APBA1: variants seen among roughly 807,000 people sequenced by gnomAD.
APBA1 encodes the protein amyloid-beta A4 precursor protein-binding family A member 1.
Under a neutral mutation model 86.6 loss-of-function variants are expected in APBA1, and 55 were observed. That is an observed-to-expected ratio of 0.64 (90% CI 0.51 to 0.80). The LOEUF (loss-of-function observed/expected upper bound fraction) is 0.80, where lower values mean the gene tolerates loss of function less well. Ranked by LOEUF, APBA1 falls within the 30% of genes least tolerant of loss-of-function variation. The pLI, the probability that APBA1 is intolerant of heterozygous loss-of-function variation, is 0.00. For synonymous variants in APBA1, 511 were observed against 493.9 expected (o/e 1.03, Z -0.46); for missense variants, 1,090 against 1,183.0 (o/e 0.92, Z 1.15).
chr9:69,483,278 G>C (rs567512819), intron 2 of APBA1, among the ~76,000 whole-genome samples: 1 of 152,114 alleles, frequency 6.6e-6, no homozygotes, highest in East Asian at 1.9e-4. Context: ...AAACAGAGAT[G>C]TATTCTCTCA....
At chr9:69,601,948 T>G (rs942235907) in intron 1 of APBA1, among the ~76,000 whole-genome samples, 1 of 152,142 alleles carries the variant, frequency 6.6e-6, no homozygotes, top group Non-Finnish European at 1.5e-5. Context: ...TTTAACCAGA[T>G]AACTACCAAG....
chr9:69,481,363 A>G (rs561718106), intron 2 of APBA1, among the ~76,000 whole-genome samples: 1 of 152,226 alleles, frequency 6.6e-6, no homozygotes, highest in Admixed American at 6.5e-5. Flanking sequence ...GCGAACTCCC[A>G]TTCACAATTG....
At chr9:69,636,662 C>T (rs1823165129) in intron 1 of APBA1, among the ~76,000 whole-genome samples, 1 of 151,404 alleles carries the variant, frequency 6.6e-6, no homozygotes, top group Admixed American at 6.6e-5. Context: ...GACATGGTGG[C>T]ATGTGTCTGT....
At chr9:69,431,977 GATAA>G (rs576308815) in intron 12 of APBA1, among the ~76,000 whole-genome samples, 9 of 138,450 alleles carry the variant, frequency 6.5e-5, no homozygotes, top group East Asian at 3.9e-4. Context: ...TGACAGCAGT[GATAA>G]ATGAATGACA....
rs1323702390 is a variant in APBA1, at chr9:69,544,898, C to T, written c.-69-27619G>A. On this transcript the variant is annotated intron_variant, in intron 1 of 12. Coordinates refer to ENST00000265381, the MANE Select transcript of APBA1 (RefSeq NM_001163.4). ...CTACCCAGGGAGGGCCTTGGCCCAC[C>T]GGTTAAAATCCAATGTATGGTTCTT... Among the ~76,000 whole-genome samples the T allele has an allele frequency of 3.9e-5, 6 of 152,162 alleles. No individual in the cohort carries two copies. In the East Asian group the frequency reaches 5.8e-4, roughly 15 times the overall value.
intron 1 of APBA1, among the ~76,000 whole-genome samples, chr9:69,662,089 A>C (rs1256552582): frequency 2.0e-5 from 3 of 151,570 alleles, no homozygotes; most frequent in Non-Finnish European, 2.9e-5. Flanking sequence ...CATCATAAAC[A>C]AGAGAGTCAA....
chr9:69,648,031 C>T (rs1301500047), intron 1 of APBA1, among the ~76,000 whole-genome samples: 1 of 152,226 alleles, frequency 6.6e-6, no homozygotes, highest in Non-Finnish European at 1.5e-5. Context: ...CCCACCACTG[C>T]ACTCTCTGGA....
intron 2 of APBA1, among the ~76,000 whole-genome samples, chr9:69,490,914 C>G (rs1288894501): frequency 1.3e-5 from 2 of 151,858 alleles, no homozygotes; most frequent in East Asian, 1.9e-4. Context: ...GCTACCATCT[C>G]ACACCAGTTA....
At chr9:69,620,498 T>C (rs2133989300) in intron 1 of APBA1, among the ~76,000 whole-genome samples, 1 of 152,156 alleles carries the variant, frequency 6.6e-6, no homozygotes, top group Middle Eastern at 3.4e-3. Context: ...GCCAGCATGG[T>C]GAAACCCTGT....
intron 1 of APBA1, among the ~76,000 whole-genome samples, chr9:69,558,559 CACATATAT>C (rs200374175): frequency 0.03 from 4,084 of 137,506 alleles, 177 homozygotes; most frequent in African/African-American, 0.11. Context: ...CACACACACA[CACATATAT>C]ATATATATAT....
chr9:69,522,068 T>TACACACACAC (rs9314700), intron 1 of APBA1, among the ~76,000 whole-genome samples: 21 of 149,548 alleles, frequency 1.4e-4, no homozygotes, highest in South Asian at 8.6e-4. Flanking sequence ...CACCATTTTA[T>TACACACACAC]ACACACACAC....
At chr9:69,457,221 A>G in intron 6 of APBA1, 82 bp from the exon 7 acceptor site, 1 of 1,041,012 alleles carries the variant, frequency 9.6e-7, no homozygotes, top group South Asian at 1.3e-5. Context: ...TAGCTCACAC[A>G]GAGGCACCAC....
chr9:69,655,542 C>T (rs1374376317), intron 1 of APBA1, among the ~76,000 whole-genome samples: 1 of 151,958 alleles, frequency 6.6e-6, no homozygotes, highest in Non-Finnish European at 1.5e-5. Flanking sequence ...TGTAAAAGAT[C>T]TCTACAATGA....
chr9:69,516,697 GC>G lies in APBA1; in HGVS notation c.513del (p.His172ThrfsTer30). 1 of 1,610,874 alleles carries G rather than the reference GC, an allele frequency of 6.2e-7. No individual in the cohort carries two copies. The highest frequency in any genetic ancestry group is 8.5e-7 in the Non-Finnish European group (1 of 1,179,084). ...MNAAYSGYVY[T>X]HRLFHRGEDE... ...TCCTCACCGCGGTGGAAGAGCCGGT[GC>G]GTGTAGACGTAGCCTGAGTAGGCCG... is the stretch of plus-strand genomic sequence containing the variant. On this transcript the variant is annotated frameshift_variant, in exon 2 of 13. Coordinates refer to ENST00000265381, the MANE Select transcript of APBA1 (RefSeq NM_001163.4). LOFTEE classifies it high-confidence loss of function. This position sits in a 1 kb window ranked among gnomAD's most constrained non-coding sequence, Gnocchi z 7.3.
At chr9:69,610,191 A>G (rs1259493295) in intron 1 of APBA1, among the ~76,000 whole-genome samples, 2 of 152,108 alleles carry the variant, frequency 1.3e-5, no homozygotes, top group African/African-American at 4.8e-5. Flanking sequence ...GTGGTGGTCC[A>G]TGCCTATAGT....
intron 1 of APBA1, among the ~76,000 whole-genome samples, chr9:69,620,248 C>T (rs1822788909): frequency 6.6e-6 from 1 of 152,218 alleles, no homozygotes; most frequent in South Asian, 2.1e-4. Context: ...ATTCTAGCCG[C>T]ATTTTCCCCC....
intron 1 of APBA1, among the ~76,000 whole-genome samples, chr9:69,647,544 AG>A (rs1431567833): frequency 2.0e-5 from 3 of 152,248 alleles, no homozygotes; most frequent in Admixed American, 6.5e-5. Context: ...GACAGCTTTC[AG>A]GGTAGACAAC....
chr9:69,534,322 C>T lies in APBA1; in HGVS notation c.-69-17043G>A, dbSNP rs983692860. Among the ~76,000 whole-genome samples, 9 of 152,260 alleles carry T rather than the reference C, an allele frequency of 5.9e-5. 1 individual carries two copies. In the South Asian group the frequency reaches 6.2e-4, roughly 11 times the overall value. On this transcript the variant is annotated intron_variant, in intron 1 of 12. Transcript: ENST00000265381. ...GAACTACATTTATAAACTCTCCTTG[C>T]GTCTAGCTGGGACCATGGTTAGTTC...
At position 69,516,230 on chromosome 9, in the gene APBA1, G is replaced by A. The variant is rs1180199741; in HGVS notation, c.981C>T (p.Gly327=). The change falls in exon 2 of 13, where the codon GGC becomes GGT. Residue 327 remains glycine, a synonymous_variant. Coordinates refer to ENST00000265381, the MANE Select transcript of APBA1 (RefSeq NM_001163.4). This position sits in a 1 kb window ranked among gnomAD's most constrained non-coding sequence, Gnocchi z 7.3. The part of the protein sequence containing the change: ...QAPAGQQRAV[G]PAGGGEAGQR... ...GCCCCGCCTCGCCGCCGCCCGCGGG[G>A]CCCACCGCCCGCTGCTGCCCCGCCG... 1 of 1,462,304 alleles carries A rather than the reference G, an allele frequency of 6.8e-7. No homozygotes were observed. 90.6% of individuals were successfully genotyped at this position (1,462,304 alleles called of 1,614,324 possible).
Sources: allele counts gnomAD v4.1 joint callset (sites outside exome capture counted in the v4.1 genomes callset), GRCh38; gene constraint gnomAD v4.1.1; non-coding constraint Gnocchi (gnomAD v3.1); transcripts MANE v1.5; gene names NCBI Gene and HGNC (gene_info 2026-07-23, HGNC 2026-07-21).